Variants in SBF1 observed in about 807,000 individuals in gnomAD.
The protein encoded by SBF1 is myotubularin-related protein 5.
A neutral mutation model predicts 215.8 loss-of-function variants in SBF1; 65 were observed. The ratio of observed to expected loss-of-function variants is 0.30; its 90% CI spans 0.25 to 0.37. The LOEUF (loss-of-function observed/expected upper bound fraction) is 0.37. Among genes scored for constraint, SBF1 ranks in the 10% least tolerant of loss-of-function variants. The pLI, the probability that SBF1 is intolerant of heterozygous loss-of-function variation, is 1.00. For synonymous variants in SBF1, 1,410 were observed against 1,122.8 expected (o/e 1.26, Z -5.11); for missense variants, 2,634 against 2,667.8 (o/e 0.99, Z 0.28).
At position 50,446,989 on chromosome 22, in the gene SBF1, G is replaced by A. The variant is rs575492749; in HGVS notation, c.*153C>T. On this transcript the variant is annotated 3_prime_UTR_variant, in exon 41 of 41. Coordinates refer to ENST00000380817, the MANE Select transcript of SBF1 (RefSeq NM_002972.4). Reference sequence around the variant, plus strand: ...TAAGTTAGGGCCGGCCGGGCGGGGCGGGGCGGGGACGGGGGCTGTACACAC... The same window carrying A: ...TAAGTTAGGGCCGGCCGGGCGGGGCAGGGCGGGGACGGGGGCTGTACACAC... 23 of 752,026 alleles carry A rather than the reference G, an allele frequency of 3.1e-5. No individual in the cohort carries two copies. The highest frequency in any genetic ancestry group is 1.9e-4 in the African/African-American group (11 of 58,082). The allele number at this position is 752,026 out of a possible 1,614,324, so 46.6% of individuals were successfully genotyped here.
chr22:50,458,915 G>A (rs996263731), intron 28 of SBF1, among the ~76,000 whole-genome samples: 16 of 152,238 alleles, frequency 1.1e-4, no homozygotes, highest in Admixed American at 2.0e-4. Context: ...AGGAGCATCT[G>A]GGATGTTTCC....
chr22:50,452,488 G>A (rs369802480), intron 36 of SBF1, among the ~76,000 whole-genome samples: 2 of 152,164 alleles, frequency 1.3e-5, no homozygotes, highest in South Asian at 2.1e-4. Context: ...CAAGGCCAAG[G>A]CGGGCGGATC....
At position 50,447,187 on chromosome 22, in the gene SBF1, G is replaced by A; in HGVS notation, c.5637C>T (p.Ala1879=). 1 of 1,613,590 alleles carries A rather than the reference G, an allele frequency of 6.2e-7. No individual in the cohort carries two copies. The highest frequency in any genetic ancestry group is 1.1e-5 in the South Asian group (1 of 91,078). The change falls in exon 41 of 41, where the codon GCC becomes GCT. Residue 1879 remains alanine, a synonymous_variant. Transcript: ENST00000380817. ...YNFCAQDVPS[A]QQWVDRIQSC... is the part of the protein sequence containing the mutation. ...TCTGGATCCGGTCCACCCACTGCTG[G>A]GCCGAGGGCACGTCCTGGGCACAGA... is the stretch of plus-strand genomic sequence containing the variant.
chr22:50,460,680 C>T lies in SBF1; in HGVS notation c.3000G>A (p.Gly1000=). 1 of 1,613,790 alleles carries T rather than the reference C, an allele frequency of 6.2e-7. No individual in the cohort carries two copies. Among genetic ancestry groups the T allele is most frequent in the Non-Finnish European group, 8.5e-7 (1 of 1,180,016 alleles). ...TACGGAAGAGCTCGGCGCTGTCAGA[C>T]CCCACCTCCTCGTCAAAGGCCATTT... The part of the protein sequence containing the change: ...LLKMAFDEEV[G]SDSAELFRKQ... Residue 1000 remains glycine, a synonymous_variant, in exon 24 of 41, where the codon GGG becomes GGA. Coordinates refer to ENST00000380817, the MANE Select transcript of SBF1 (RefSeq NM_002972.4).
rs769754594 is a variant in SBF1 at position 50,447,588 on chromosome 22, G to C, written c.5385C>G (p.Tyr1795Ter). 1 of 1,611,828 alleles carries C rather than the reference G, an allele frequency of 6.2e-7. No homozygotes were observed. The highest frequency in any genetic ancestry group is 8.5e-7 in the Non-Finnish European group (1 of 1,179,446). The change falls in exon 39 of 41, where the codon TAC (tyrosine) becomes TAG (stop). Residue 1795 changes from tyrosine to a stop codon, truncating the protein, a stop_gained. Coordinates refer to ENST00000380817, the MANE Select transcript of SBF1 (RefSeq NM_002972.4). LOFTEE classifies it high-confidence loss of function. The part of the protein sequence containing the change: ...SENRSYEGTL[Y>*]KKGAFMKPWK... ...AAGGCTTCATGAAGGCCCCCTTCTTGTACAGAGTGCCCTCGTAGGACCTGC... is the reference window on the plus strand; with the variant it reads ...AAGGCTTCATGAAGGCCCCCTTCTTCTACAGAGTGCCCTCGTAGGACCTGC...
chr22:50,456,892 G>A, intron 29 of SBF1, 142 bp downstream of exon 29: 1 of 766,986 alleles, frequency 1.3e-6, no homozygotes, highest in Non-Finnish European at 2.0e-6. Context: ...ACGGGTCAGG[G>A]AGGTAAGGAC....
rs142369348 is a variant in SBF1 at position 50,451,889 on chromosome 22, C to T, written c.5043+2623G>A. On this transcript the variant is annotated intron_variant, in intron 36 of 40. Coordinates refer to ENST00000380817, the MANE Select transcript of SBF1 (RefSeq NM_002972.4). Reference sequence around the variant, plus strand: ...TCAGCTCAGTGCAGCCTCCACCTCCCGGGTTGAAGCGATTCTCCTGCCTCA... The same window carrying T: ...TCAGCTCAGTGCAGCCTCCACCTCCTGGGTTGAAGCGATTCTCCTGCCTCA... Among the ~76,000 whole-genome samples the T allele has an allele frequency of 5.9e-5, 9 of 151,848 alleles. No homozygotes were observed. The East Asian group carries it at 1.4e-3, about 23-fold the overall frequency.
chr22:50,451,061 G>A (rs539245672), intron 36 of SBF1, among the ~76,000 whole-genome samples: 80 of 151,436 alleles, frequency 5.3e-4, no homozygotes, highest in African/African-American at 1.9e-3. Context: ...CGGGTGTGGT[G>A]GCTCATGCCT....
rs753875386 is a variant in SBF1 at position 50,467,543 on chromosome 22, C to G, written c.427G>C (p.Glu143Gln). 1 of 1,614,130 alleles carries G rather than the reference C, an allele frequency of 6.2e-7. No individual in the cohort carries two copies. Among genetic ancestry groups the G allele is most frequent in the South Asian group, 1.1e-5 (1 of 91,076 alleles). The change falls in exon 4 of 41, where the codon GAG becomes CAG. Residue 143 changes from glutamate to glutamine, a missense_variant. Transcript: ENST00000380817. ...GCTGCCGGCCTCACCCTGAACACCTCCGTGTGGTCGAGTCGCGACACCAGT... is the reference window on the plus strand; with the variant it reads ...GCTGCCGGCCTCACCCTGAACACCTGCGTGTGGTCGAGTCGCGACACCAGT... ...LVLVSRLDHT[E>Q]VFRNSLGLIY... is the part of the protein sequence containing the mutation.
At chr22:50,466,731 G>C in intron 5 of SBF1, 21 bp from the exon 6 acceptor site, 1 of 1,488,412 alleles carries the variant, frequency 6.7e-7, no homozygotes, top group Non-Finnish European at 9.0e-7. Context: ...AAAAGGATCG[G>C]GGCTCAGTAG....
chr22:50,465,410 A>C, intron 10 of SBF1, 82 bp from the exon 11 acceptor site: 6 of 1,196,964 alleles, frequency 5.0e-6, no homozygotes, highest in Non-Finnish European at 5.9e-6. Context: ...CCACACCCCA[A>C]CCCACCCCAA....
Position 50,456,618 on chromosome 22 carries a change from C to T in SBF1, c.3960G>A (p.Val1320=). 3 of 1,518,764 alleles carry T rather than the reference C, an allele frequency of 2.0e-6. No homozygotes were observed. The highest frequency in any genetic ancestry group is 2.3e-5 in the East Asian group (1 of 42,776). 94.1% of individuals were successfully genotyped at this position (1,518,764 alleles called of 1,614,324 possible). A position where few individuals can be genotyped will look rare whatever the true frequency, so the allele number is the denominator to read the frequency against. Residue 1320 remains valine, a synonymous_variant, in exon 30 of 41, where the codon GTG becomes GTA. Coordinates refer to ENST00000380817, the MANE Select transcript of SBF1 (RefSeq NM_002972.4). ...SGRSSGLGTD[V]GSRLAGRDAL... is the part of the protein sequence containing the mutation. The stretch of plus-strand genomic sequence containing the variant: ...CGTCTCTGCCAGCTAGCCGGGAGCC[C>T]ACATCGGTGCCAAGGCCACTGCTGC...
chr22:50,470,198 G>T (rs1303691881), intron 1 of SBF1, among the ~76,000 whole-genome samples: 1 of 151,990 alleles, frequency 6.6e-6, no homozygotes, highest in African/African-American at 2.4e-5. Flanking sequence ...CCCAGCCCTG[G>T]CTGGCACCCA....
intron 1 of SBF1, among the ~76,000 whole-genome samples, chr22:50,469,502 A>T (rs918203115): frequency 3.3e-5 from 5 of 152,192 alleles, no homozygotes; most frequent in Admixed American, 6.5e-5. Context: ...CCACAGTGGG[A>T]CACTCAGGGT....
Position 50,457,129 on chromosome 22 carries a change from AGAAG to A in SBF1, c.3827-22_3827-19del. On this transcript the variant is annotated intron_variant, in intron 28 of 40. Coordinates refer to ENST00000380817, the MANE Select transcript of SBF1 (RefSeq NM_002972.4). Reference sequence around the variant, plus strand: ...GCTGGGAACTGAGGGCACAGCAGAGAGAAGGCTCAGGCCTAGCCCCAGGCCTGGG... The same window carrying A: ...GCTGGGAACTGAGGGCACAGCAGAGAGCTCAGGCCTAGCCCCAGGCCTGGG... 1 of 1,466,542 alleles carries A rather than the reference AGAAG, an allele frequency of 6.8e-7. No homozygotes were observed. The allele number at this position is 1,466,542 out of a possible 1,614,324, so 90.8% of individuals were successfully genotyped here. A position where few individuals can be genotyped will look rare whatever the true frequency, so the allele number is the denominator to read the frequency against.
chr22:50,473,483 A>T (rs919634060), intron 1 of SBF1, among the ~76,000 whole-genome samples: 1 of 152,202 alleles, frequency 6.6e-6, no homozygotes, highest in East Asian at 1.9e-4. Context: ...CTCTCTAAAG[A>T]AAAAGACAGA....
At chr22:50,464,254 A>G in intron 15 of SBF1, 75 bp downstream of exon 15, 1 of 1,260,536 alleles carries the variant, frequency 7.9e-7, no homozygotes, top group South Asian at 1.3e-5. Context: ...GTCAGCACTC[A>G]CAAGGGTGAA....
rs1163394404 is a variant in SBF1, at chr22:50,445,439, T to TGTC, written c.*1700_*1702dup. 6.6e-6 allele frequency: 1 copy of TGTC among 152,152 alleles called. No homozygotes were observed. The highest frequency in any genetic ancestry group is 6.5e-5 in the Admixed American group (1 of 15,268). The allele number at this position is 152,152 out of a possible 1,614,324, so 9.4% of individuals were successfully genotyped here. A position where few individuals can be genotyped will look rare whatever the true frequency, so the allele number is the denominator to read the frequency against. ...GACCCCCACCCCGCCCCAGCGAGCT[T>TGTC]GTCTTTCCACCACGGTTGGGGGTGG... On this transcript the variant is annotated 3_prime_UTR_variant, in exon 41 of 41. Transcript: ENST00000380817.
In SBF1 at chr22:50,474,849, ACGCGGGGCGGCCCGAGGGG is replaced by A. The variant is rs749837649; in HGVS notation, c.-28_-10del. Reference sequence around the variant, plus strand: ...TCCGCGAGCCGCGCCATGGCGAGGGACGCGGGGCGGCCCGAGGGGCGCGGGCGGGCTCCGCGGCTCGGGG... The same window carrying A: ...TCCGCGAGCCGCGCCATGGCGAGGGACGCGGGCGGGCTCCGCGGCTCGGGG... On this transcript the variant is annotated 5_prime_UTR_variant, in exon 1 of 41. Coordinates refer to ENST00000380817, the MANE Select transcript of SBF1 (RefSeq NM_002972.4). 9.2e-6 allele frequency: 13 copies of A among 1,413,162 alleles called. 1 individual carries two copies. In the South Asian group the frequency reaches 1.2e-4, roughly 13 times the overall value. The allele number at this position is 1,413,162 out of a possible 1,614,324, so 87.5% of individuals were successfully genotyped here.
Sources: gnomAD v4.1 joint callset for allele counts (sites outside exome capture counted in the v4.1 genomes callset) on GRCh38, gnomAD v4.1.1 for gene constraint, MANE v1.5 for transcripts, NCBI Gene and HGNC (gene_info 2026-07-23, HGNC 2026-07-21) for gene names.